Variants in SPCS2 observed in about 807,000 individuals in gnomAD.
The protein encoded by SPCS2 is SPase 25 kDa subunit.
A neutral mutation model predicts 22.3 loss-of-function variants in SPCS2; 3 were observed. That is an observed-to-expected ratio of 0.13 (90% confidence interval 0.06 to 0.35). The LOEUF (loss-of-function observed/expected upper bound fraction) is 0.35. Among genes scored for constraint, SPCS2 ranks in the 10% least tolerant of loss-of-function variants. SPCS2 has a pLI of 1.00. For synonymous variants in SPCS2, 67 were observed against 97.2 expected (o/e 0.69, Z 1.83); for missense variants, 169 against 280.9 (o/e 0.60, Z 2.85).
intron 4 of SPCS2, 115 bp downstream of exon 4, chr11:74,969,814 A>T (rs1948570247): frequency 8.1e-7 from 1 of 1,240,936 alleles, no homozygotes; most frequent in Admixed American, 1.9e-5. Flanking sequence ...AGGGCTAGTC[A>T]TATAAAATGA....
intron 1 of SPCS2, among the ~76,000 whole-genome samples, chr11:74,955,851 A>AATATATATATATATAGAT (rs1948474985): frequency 1.8e-5 from 1 of 55,594 alleles, no homozygotes; most frequent in Non-Finnish European, 3.9e-5. Flanking sequence ...TACTAATTAA[A>AATATATATATATATAGAT]ATATATATAT....
intron 4 of SPCS2, among the ~76,000 whole-genome samples, chr11:74,973,652 A>G (rs547499911): frequency 1.2e-4 from 19 of 152,282 alleles, no homozygotes; most frequent in African/African-American, 4.6e-4. Flanking sequence ...TACCTGGCTT[A>G]GATTCCATGA....
At chr11:74,955,849 A>ATATAT (rs1214195302) in intron 1 of SPCS2, among the ~76,000 whole-genome samples, 1 of 36,214 alleles carries the variant, frequency 2.8e-5, no homozygotes, top group Non-Finnish European at 6.1e-5. Context: ...ATTACTAATT[A>ATATAT]AAATATATAT....
At chr11:74,964,797 C>T (rs1214641558) in intron 1 of SPCS2, among the ~76,000 whole-genome samples, 3 of 152,190 alleles carry the variant, frequency 2.0e-5, no homozygotes, top group Non-Finnish European at 4.4e-5. Context: ...GTGACCTAGT[C>T]TCTTTCAACC....
intron 1 of SPCS2, chr11:74,949,651 T>TGACTAG: frequency 1.9e-6 from 1 of 538,592 alleles, no homozygotes. Flanking sequence ...CCTTTTTCGG[T>TGACTAG]AATTTGATTT....
chr11:74,951,537 G>A lies in SPCS2; in HGVS notation c.114+2138G>A, dbSNP rs181549217. 1.5e-3 allele frequency among the ~76,000 whole-genome samples: 223 copies of A among 152,216 alleles called. 1 individual carries two copies. The highest frequency in any genetic ancestry group is 4.8e-3 in the African/African-American group (198 of 41,518). ...ATAAGAGTAAGAGCCTCGGCCGGGCGCAGTGGCTCACACCTGTAAACCCAG... is the reference window on the plus strand; with the variant it reads ...ATAAGAGTAAGAGCCTCGGCCGGGCACAGTGGCTCACACCTGTAAACCCAG... On this transcript the variant is annotated intron_variant, in intron 1 of 4. Transcript: ENST00000263672.
At chr11:74,966,183 A>G (rs1406620868) in intron 3 of SPCS2, among the ~76,000 whole-genome samples, 3 of 152,324 alleles carry the variant, frequency 2.0e-5, no homozygotes, top group East Asian at 3.9e-4. Context: ...TAATATGAGC[A>G]CTTAATAGCA....
At chr11:74,964,927 A>C in intron 1 of SPCS2, 107 bp from the exon 2 acceptor site, 1 of 691,192 alleles carries the variant, frequency 1.4e-6, no homozygotes. Flanking sequence ...CAGAAGACAA[A>C]GAGTAAATAT....
intron 1 of SPCS2, among the ~76,000 whole-genome samples, chr11:74,954,503 G>T (rs934621471): frequency 1.3e-5 from 2 of 152,194 alleles, no homozygotes; most frequent in African/African-American, 4.8e-5. Flanking sequence ...CCAACCATAT[G>T]TCCTTAGGTA....
chr11:74,972,013 C>T (rs889048718), intron 4 of SPCS2, among the ~76,000 whole-genome samples: 18 of 152,154 alleles, frequency 1.2e-4, no homozygotes, highest in African/African-American at 4.3e-4. Context: ...GAAGCCTTCC[C>T]TGACATACCT....
At chr11:74,964,982 T>C in intron 1 of SPCS2, 52 bp from the exon 2 acceptor site, 2 of 1,278,156 alleles carry the variant, frequency 1.6e-6, no homozygotes, top group Non-Finnish European at 2.2e-6. Flanking sequence ...TCATTTTACT[T>C]TCAGTAAGAG....
Position 74,949,293 on chromosome 11 carries a change from C to T in SPCS2, c.8C>T (p.Ala3Val). MA[A>V]AAVQGGRSGG... ...GACGCAGAGGCGGACAAGATGGCGG[C>T]GGCAGCTGTACAGGGCGGGAGAAGC... is the stretch of plus-strand genomic sequence containing the variant. Residue 3 changes from alanine (A) to valine (V), a missense_variant, in exon 1 of 5, where the codon GCG becomes GTG. Physicochemically the swap from Ala to Val is moderately conservative, Grantham distance 64 (BLOSUM62 0). Around this residue, in one of 2 missense-constraint regions of SPCS2, gnomAD observed 51 missense variants for 37.8 expected, o/e 1.35. Coordinates refer to ENST00000263672, the MANE Select transcript of SPCS2 (RefSeq NM_014752.3). 3 of 1,538,294 alleles carry T rather than the reference C, an allele frequency of 2.0e-6. No individual in the cohort carries two copies. Among genetic ancestry groups the T allele is most frequent in the South Asian group, 1.2e-5 (1 of 82,890 alleles).
intron 4 of SPCS2, among the ~76,000 whole-genome samples, chr11:74,972,263 CA>C (rs1948589048): frequency 1.3e-5 from 2 of 152,126 alleles, no homozygotes; most frequent in African/African-American, 4.8e-5. Context: ...GGGGTTTCAC[CA>C]TGTTGGCCAG....
chr11:74,966,585 ATCATT>A (rs1948547170), intron 3 of SPCS2, among the ~76,000 whole-genome samples: 2 of 152,160 alleles, frequency 1.3e-5, no homozygotes, highest in Admixed American at 1.3e-4. Context: ...TTGATACATA[ATCATT>A]TCCTTTCCCC....
At chr11:74,976,110 G>A (rs954906794) in intron 4 of SPCS2, among the ~76,000 whole-genome samples, 3 of 152,158 alleles carry the variant, frequency 2.0e-5, no homozygotes, top group East Asian at 1.9e-4. Context: ...TAGGCACCCC[G>A]GGATTGGAGA....
intron 1 of SPCS2, among the ~76,000 whole-genome samples, chr11:74,951,390 G>GAGCACTCAGACAGAGAGCACT (rs1948443894): frequency 1.3e-5 from 2 of 152,300 alleles, no homozygotes; most frequent in Admixed American, 1.3e-4. Flanking sequence ...ACTCAGAATA[G>GAGCACTCAGACAGAGAGCACT]CCAAATATAG....
chr11:74,963,911 G>A (rs1948529426), intron 1 of SPCS2, among the ~76,000 whole-genome samples: 2 of 152,088 alleles, frequency 1.3e-5, no homozygotes, highest in Non-Finnish European at 2.9e-5. Context: ...CAAAAAACAG[G>A]TTTGTCAGAT....
At chr11:74,962,829 A>G (rs377047424) in intron 1 of SPCS2, among the ~76,000 whole-genome samples, 5 of 152,184 alleles carry the variant, frequency 3.3e-5, no homozygotes, top group African/African-American at 1.2e-4. Context: ...CCACTTACTG[A>G]AGATTGCTTC....
chr11:74,955,884 A>ATC (rs1052485157), intron 1 of SPCS2, among the ~76,000 whole-genome samples: 1 of 127,846 alleles, frequency 7.8e-6, no homozygotes, highest in African/African-American at 3.0e-5. Context: ...ATATATATAT[A>ATC]TATCTGCCTG....
Sources: allele counts gnomAD v4.1 joint callset (sites outside exome capture counted in the v4.1 genomes callset), GRCh38; gene constraint gnomAD v4.1.1; regional missense constraint gnomAD v4.1.1; transcripts MANE v1.5; gene names NCBI Gene and HGNC (gene_info 2026-07-23, HGNC 2026-07-21).